CD247: variants seen among roughly 807,000 people sequenced by gnomAD.
CD247 encodes CD247 molecule, also known as T-cell surface glycoprotein CD3 zeta chain.
In CD247, 13 loss-of-function variants were observed where a neutral mutation model predicts 30.0. That is an observed-to-expected ratio of 0.43 (90% CI 0.28 to 0.69). The LOEUF is 0.69. CD247 is among the 30% of genes least tolerant of loss of function. The pLI is 0.16. For synonymous variants in CD247, 72 were observed against 80.0 expected, an observed-to-expected ratio of 0.90 and a Z score of 0.53; for missense variants, 193 against 212.6, an observed-to-expected ratio of 0.91 and a Z score of 0.57.
chr1:167,449,981 A>G (rs1299958961), intron 1 of CD247, among the ~76,000 whole-genome samples: 2 of 147,826 alleles, frequency 1.4e-5, no homozygotes, highest in African/African-American at 4.9e-5. Flanking sequence ...GTTATAATCT[A>G]AGACTTCATG....
intron 1 of CD247, among the ~76,000 whole-genome samples, chr1:167,453,936 C>G (rs545145036): frequency 2.0e-4 from 31 of 152,210 alleles, no homozygotes; most frequent in South Asian, 8.3e-4. Context: ...TACCCTCCAT[C>G]CTGGGCAACA....
chr1:167,443,539 G>GA (rs1261635210), intron 1 of CD247, among the ~76,000 whole-genome samples: 1 of 152,162 alleles, frequency 6.6e-6, no homozygotes, highest in Non-Finnish European at 1.5e-5. Flanking sequence ...AGACTCAGAA[G>GA]AAAATCCAGG....
chr1:167,491,106 TA>T (rs1005641662), intron 1 of CD247, among the ~76,000 whole-genome samples: 7 of 152,182 alleles, frequency 4.6e-5, no homozygotes, highest in Admixed American at 6.5e-5. Flanking sequence ...TCTTGCCTCT[TA>T]AAAAATTTAT....
Position 167,437,365 on chromosome 1 carries a change from G to A in CD247, c.300+1205C>T, listed in dbSNP as rs868547795. On this transcript the variant is annotated intron_variant, in intron 4 of 7. Coordinates refer to ENST00000362089, the MANE Select transcript of CD247 (RefSeq NM_198053.3). Reference sequence around the variant, plus strand: ...GGTTGTGGTGAGCCGAGACTGTGCCGTTGCACCCCAGCCTGGGCAACAAAA... The same window carrying A: ...GGTTGTGGTGAGCCGAGACTGTGCCATTGCACCCCAGCCTGGGCAACAAAA... Among the ~76,000 whole-genome samples, 8 of 150,942 alleles carry A rather than the reference G, an allele frequency of 5.3e-5. No individual in the cohort carries two copies. The East Asian group carries it at 5.8e-4, about 11-fold the overall frequency.
At chr1:167,504,375 A>G (rs1446275080) in intron 1 of CD247, among the ~76,000 whole-genome samples, 1 of 152,254 alleles carries the variant, frequency 6.6e-6, no homozygotes, top group African/African-American at 2.4e-5. Context: ...AGCCGCTGAC[A>G]TACAATCGCT....
At chr1:167,441,966 C>A (rs892474978) in intron 1 of CD247, among the ~76,000 whole-genome samples, 3 of 152,060 alleles carry the variant, frequency 2.0e-5, no homozygotes, top group African/African-American at 7.2e-5. Context: ...CGAAAATTAG[C>A]TGGGCGTGGT....
At chr1:167,431,877 AATAATC>A (rs575560999) in intron 7 of CD247, 131 bp from the exon 8 acceptor site, 17,418 of 802,702 alleles carry the variant, frequency 0.022, 254 homozygotes, top group Middle Eastern at 0.029. Context: ...GAGGCCCAGG[AATAATC>A]CCCCTGGCCC....
intron 1 of CD247, among the ~76,000 whole-genome samples, chr1:167,513,409 A>C (rs984879785): frequency 1.3e-5 from 2 of 152,188 alleles, no homozygotes; most frequent in African/African-American, 2.4e-5. Context: ...GAATTTTGAA[A>C]AAAATTTAAT....
chr1:167,470,156 C>T (rs1309427774), intron 1 of CD247, among the ~76,000 whole-genome samples: 1 of 152,066 alleles, frequency 6.6e-6, no homozygotes, highest in Non-Finnish European at 1.5e-5. Flanking sequence ...TCAGGTGATC[C>T]ACCCATCTCA....
At chr1:167,470,650 C>T (rs1412031087) in intron 1 of CD247, among the ~76,000 whole-genome samples, 4 of 151,260 alleles carry the variant, frequency 2.6e-5, no homozygotes, top group Non-Finnish European at 5.9e-5. Context: ...TACTGCTTTC[C>T]TTTTTTTCAA....
At position 167,430,959 on chromosome 1, in the gene CD247, T is replaced by C; in HGVS notation, c.*722A>G. ...TATTCACACTGTGTAACCACATGTT[T>C]TTTATGCCACTTTGTGCACAGCTCA... On this transcript the variant is annotated 3_prime_UTR_variant, in exon 8 of 8. Transcript: ENST00000362089. 1 of 400,100 alleles carries C rather than the reference T, an allele frequency of 2.5e-6. No individual in the cohort carries two copies. The highest frequency in any genetic ancestry group is 4.4e-6 in the Non-Finnish European group (1 of 227,052). The allele number at this position is 400,100 out of a possible 1,614,324, so 24.8% of individuals were successfully genotyped here.
intron 1 of CD247, among the ~76,000 whole-genome samples, chr1:167,502,426 G>T (rs938811934): frequency 1.3e-5 from 2 of 152,196 alleles, no homozygotes; most frequent in African/African-American, 4.8e-5. Flanking sequence ...GCTAGGGAAG[G>T]TTCACAATCT....
At chr1:167,462,830 C>A (rs1007372269) in intron 1 of CD247, among the ~76,000 whole-genome samples, 2 of 152,342 alleles carry the variant, frequency 1.3e-5, no homozygotes, top group Admixed American at 6.5e-5. Flanking sequence ...TGTCTTCAGA[C>A]TGATACACTC....
intron 1 of CD247, among the ~76,000 whole-genome samples, chr1:167,480,095 T>C (rs1311786436): frequency 6.6e-6 from 1 of 152,096 alleles, no homozygotes; most frequent in East Asian, 1.9e-4. Flanking sequence ...CAAGAACCGA[T>C]TAGGCCGACG....
chr1:167,512,867 T>C (rs774641090), intron 1 of CD247, among the ~76,000 whole-genome samples: 4 of 152,220 alleles, frequency 2.6e-5, no homozygotes, highest in Non-Finnish European at 5.9e-5. Context: ...TCCACCATAG[T>C]GCCTGCTCCA....
chr1:167,497,639 G>A (rs1242726113), intron 1 of CD247, among the ~76,000 whole-genome samples: 2 of 152,150 alleles, frequency 1.3e-5, no homozygotes, highest in Non-Finnish European at 2.9e-5. Context: ...TATAGGATGA[G>A]GATGCATCCT....
intron 1 of CD247, among the ~76,000 whole-genome samples, chr1:167,503,603 T>C (rs1426028591): frequency 6.6e-6 from 1 of 152,230 alleles, no homozygotes; most frequent in Non-Finnish European, 1.5e-5. Context: ...GTACATTCCT[T>C]CTTTTTTGTA....
chr1:167,434,697 T>TC (rs1186156193), intron 5 of CD247: 11 of 431,222 alleles, frequency 2.6e-5, no homozygotes, highest in African/African-American at 1.4e-4. Context: ...CCTTGCTGTG[T>TC]CCCCCTACAC....
At chr1:167,445,577 C>T (rs781470421) in intron 1 of CD247, among the ~76,000 whole-genome samples, 2 of 152,008 alleles carry the variant, frequency 1.3e-5, no homozygotes, top group East Asian at 3.9e-4. Flanking sequence ...CAGGAAGTCT[C>T]ATGGTACTGA....
Sources: allele counts gnomAD v4.1 joint callset (sites outside exome capture counted in the v4.1 genomes callset), GRCh38; gene constraint gnomAD v4.1.1; transcripts MANE v1.5; gene names NCBI Gene and HGNC (gene_info 2026-07-23, HGNC 2026-07-21).